The following RGS22 variants were observed in gnomAD, a reference collection of about 807,000 sequenced individuals.
RGS22 encodes regulator of G protein signaling 22, also known as regulator of G-protein signaling 22.
A neutral mutation model predicts 172.9 loss-of-function variants in RGS22; 148 were observed. The observed-to-expected ratio is 0.86, with a 90% CI of 0.75 to 0.98. The LOEUF (loss-of-function observed/expected upper bound fraction) is 0.98. Among genes scored for constraint, RGS22 ranks in the 50% least tolerant of loss-of-function variants. The pLI, the probability that RGS22 is intolerant of heterozygous loss-of-function variation, is 0.00. For missense variants in RGS22, 1,347 were observed against 1,440.8 expected, an observed-to-expected ratio of 0.93 and a Z score of 1.05; for synonymous variants, 458 against 480.2, an observed-to-expected ratio of 0.95 and a Z score of 0.60.
intron 12 of RGS22, among the ~76,000 whole-genome samples, chr8:100,041,138 G>A (rs892314205): frequency 5.9e-5 from 9 of 152,132 alleles, no homozygotes; most frequent in African/African-American, 1.9e-4. Flanking sequence ...TAGAACTAGT[G>A]CATTAAATCC....
rs1375669347 is a variant in RGS22 at position 100,080,153 on chromosome 8, T to C, written c.320A>G (p.Asn107Ser). 1.2e-6 allele frequency: 2 copies of C among 1,604,786 alleles called. No homozygotes were observed. Among genetic ancestry groups the C allele is most frequent in the Non-Finnish European group, 1.7e-6 (2 of 1,172,014 alleles). Residue 107 changes from asparagine to serine, a missense_variant, in exon 4 of 28, where the codon AAT (asparagine) becomes AGT (serine). Physicochemically the swap from Asn to Ser is conservative, Grantham distance 46 (BLOSUM62 1). Coordinates refer to ENST00000360863, the MANE Select transcript of RGS22 (RefSeq NM_015668.5). ...MNAPDEDETI[N>S]VNYNIMCLSR... The stretch of plus-strand genomic sequence containing the variant: ...TCTTACCATAATATTGTAGTTGACA[T>C]TAATGGTCTCATCTTCATCGGGGGC...
Position 100,098,862 on chromosome 8 carries a change from ATTTATTTTATTTTATTTTAT to A in RGS22, c.55-5373_55-5354del, listed in dbSNP as rs1205135976. ...ATTTTTTTATTTATTTTATTATTTT[ATTTATTTTATTTTATTTTAT>A]TTTATTTTATTTTATTTTATTTTAT... On this transcript the variant is annotated intron_variant, in intron 2 of 27. Coordinates refer to ENST00000360863, the MANE Select transcript of RGS22 (RefSeq NM_015668.5). Among the ~76,000 whole-genome samples, 359 of 54,806 alleles carry A rather than the reference ATTTATTTTATTTTATTTTAT, an allele frequency of 6.6e-3. 6 individuals are homozygous for A. The highest frequency in any genetic ancestry group is 8.4e-3 in the South Asian group (15 of 1,776). 36.0% of individuals were successfully genotyped at this position (54,806 alleles called of 152,430 possible).
intron 23 of RGS22, among the ~76,000 whole-genome samples, chr8:99,972,958 C>T (rs969848568): frequency 8.2e-5 from 11 of 134,408 alleles, no homozygotes; most frequent in South Asian, 7.1e-4. Context: ...GGTGTGAACT[C>T]GGGAGGCAGA....
chr8:100,001,219 T>TATATATATATATATATATACACAC (rs1402594104), intron 18 of RGS22, among the ~76,000 whole-genome samples: 1 of 132,966 alleles, frequency 7.5e-6, no homozygotes, highest in African/African-American at 2.8e-5. Context: ...TATATATATA[T>TATATATATATATATATATACACAC]ACATATATAT....
Position 99,982,121 on chromosome 8 carries a change from A to G in RGS22, c.3181-5T>C. 1 of 1,603,134 alleles carries G rather than the reference A, an allele frequency of 6.2e-7. No homozygotes were observed. The highest frequency in any genetic ancestry group is 8.5e-7 in the Non-Finnish European group (1 of 1,174,190). ...ACAATGAGAATGGCACAAGTCCTGA[A>G]CAGAAGGAAAGATAGAATGGTATAT... On this transcript the variant is annotated splice_region_variant and splice_polypyrimidine_tract_variant and intron_variant, in intron 21 of 27. Coordinates refer to ENST00000360863, the MANE Select transcript of RGS22 (RefSeq NM_015668.5).
intron 14 of RGS22, among the ~76,000 whole-genome samples, chr8:100,008,956 A>G (rs1201343614): frequency 6.6e-6 from 1 of 152,176 alleles, no homozygotes. Context: ...AGTGGCAAGA[A>G]TACACTAGGA....
At chr8:100,012,317 A>G (rs549714252) in intron 14 of RGS22, among the ~76,000 whole-genome samples, 1 of 152,160 alleles carries the variant, frequency 6.6e-6, no homozygotes, top group Non-Finnish European at 1.5e-5. Flanking sequence ...GGAATACTAA[A>G]GTTCAGAATA....
intron 10 of RGS22, among the ~76,000 whole-genome samples, chr8:100,047,967 G>C (rs1398868044): frequency 6.6e-6 from 1 of 151,952 alleles, no homozygotes; most frequent in Admixed American, 6.6e-5. Flanking sequence ...TGTACTGGGG[G>C]GGGGTGCGGG....
At chr8:100,092,895 G>T (rs1229371995) in intron 3 of RGS22, among the ~76,000 whole-genome samples, 6 of 152,130 alleles carry the variant, frequency 3.9e-5, no homozygotes, top group Non-Finnish European at 2.9e-5. Flanking sequence ...AACTCTAGTT[G>T]CCTTAAATAC....
chr8:100,042,033 G>A, intron 11 of RGS22, 117 bp from the exon 12 acceptor site: 1 of 591,450 alleles, frequency 1.7e-6, no homozygotes, highest in Non-Finnish European at 3.0e-6. Context: ...TCTGAGCAAT[G>A]TGACTCAGGA....
At chr8:100,025,018 A>AAAT (rs1046952861) in intron 14 of RGS22, among the ~76,000 whole-genome samples, 11 of 151,670 alleles carry the variant, frequency 7.3e-5, no homozygotes, top group African/African-American at 2.4e-4. Context: ...ATAAATAAAT[A>AAAT]AATAAATAAA....
In RGS22 at chr8:100,037,991, A is replaced by T. The variant is rs1819679489; in HGVS notation, c.2166+940T>A. On this transcript the variant is annotated intron_variant, in intron 14 of 27. Coordinates refer to ENST00000360863, the MANE Select transcript of RGS22 (RefSeq NM_015668.5). Reference sequence around the variant, plus strand: ...TTAATGCCAGAGTCAGGGTGGGGGAAGTAACAGTGAACATCCAGCGGTACA... The same window carrying T: ...TTAATGCCAGAGTCAGGGTGGGGGATGTAACAGTGAACATCCAGCGGTACA... Among the ~76,000 whole-genome samples, 5 of 152,212 alleles carry T rather than the reference A, an allele frequency of 3.3e-5. No individual in the cohort carries two copies. The South Asian group carries it at 1.0e-3, about 32-fold the overall frequency.
chr8:99,973,065 G>A (rs140554493), intron 23 of RGS22, among the ~76,000 whole-genome samples: 4,561 of 151,944 alleles, frequency 0.03, 205 homozygotes, highest in African/African-American at 0.1. Flanking sequence ...CACTGTTGGT[G>A]GAAGTGTAAA....
chr8:99,968,533 C>A (rs114886025), intron 23 of RGS22, among the ~76,000 whole-genome samples: 5 of 151,920 alleles, frequency 3.3e-5, no homozygotes, highest in South Asian at 4.1e-4. Flanking sequence ...TAAAGAAGAA[C>A]ATGAATGACC....
intron 15 of RGS22, 126 bp downstream of exon 15, chr8:100,008,249 G>C (rs1238433633): frequency 1.3e-6 from 1 of 789,054 alleles, no homozygotes; most frequent in African/African-American, 1.8e-5. Context: ...CGTTAGCTAG[G>C]CTGGTCTTGA....
Position 100,008,581 on chromosome 8 carries a change from G to T in RGS22, c.2167-12C>A. On this transcript the variant is annotated splice_polypyrimidine_tract_variant and intron_variant, in intron 14 of 27. Coordinates refer to ENST00000360863, the MANE Select transcript of RGS22 (RefSeq NM_015668.5). The stretch of plus-strand genomic sequence containing the variant: ...GTGGCAAAAAGATACTGAAGGAGAA[G>T]AGGGAAGAAGGGAGAAGATGTTAAG... The T allele has an allele frequency of 6.3e-7, 1 of 1,596,732 alleles. No individual in the cohort carries two copies. Among genetic ancestry groups the T allele is most frequent in the South Asian group, 1.1e-5 (1 of 88,368 alleles).
intron 27 of RGS22, 71 bp downstream of exon 27, chr8:99,962,323 C>T (rs764308980): frequency 9.3e-5 from 87 of 933,236 alleles, no homozygotes; most frequent in Middle Eastern, 2.1e-4. Context: ...TGTGTGCATG[C>T]GTGCATGTAC....
chr8:100,039,542 A>G (rs1268559806), intron 13 of RGS22, among the ~76,000 whole-genome samples: 1 of 151,818 alleles, frequency 6.6e-6, no homozygotes, highest in East Asian at 1.9e-4. Context: ...ACGCCCAGCT[A>G]ATTTTTGTAT....
chr8:99,964,369 C>T (rs1810508098), intron 24 of RGS22, among the ~76,000 whole-genome samples: 1 of 151,398 alleles, frequency 6.6e-6, no homozygotes, highest in South Asian at 2.1e-4. Context: ...TGGGAGGATT[C>T]CTTGAGCCTA....
Sources: gnomAD v4.1 joint callset for allele counts (sites outside exome capture counted in the v4.1 genomes callset) on GRCh38, gnomAD v4.1.1 for gene constraint, MANE v1.5 for transcripts, NCBI Gene and HGNC (gene_info 2026-07-23, HGNC 2026-07-21) for gene names.